The following BCAR3 variants were observed in gnomAD, a reference collection of about 807,000 sequenced individuals.
The protein encoded by BCAR3 is breast cancer anti-estrogen resistance protein 3.
BCAR3 carries 37 observed loss-of-function variants against 80.1 expected under a neutral mutation model. The ratio of observed to expected loss-of-function variants is 0.46; its 90% CI spans 0.36 to 0.61. BCAR3 has a LOEUF of 0.61. Ranked by LOEUF, BCAR3 falls within the 20% of genes least tolerant of loss-of-function variation. BCAR3 has a pLI of 0.00. For synonymous variants in BCAR3, 389 were observed against 418.9 expected (o/e 0.93, Z 0.87); for missense variants, 978 against 1,068.2 (o/e 0.92, Z 1.18).
At chr1:93,612,246 CCTT>C (rs1479756642) in intron 3 of BCAR3, among the ~76,000 whole-genome samples, 5 of 152,078 alleles carry the variant, frequency 3.3e-5, no homozygotes, top group African/African-American at 9.7e-5. Flanking sequence ...GCAGCTCAGG[CCTT>C]CTCTCTGTGC....
In BCAR3 at chr1:93,563,048, G is replaced by A. The variant is rs552793721; in HGVS notation, c.2300-629C>T. Among the ~76,000 whole-genome samples the A allele has an allele frequency of 1.2e-4, 18 of 152,222 alleles. No homozygotes were observed. The East Asian group carries it at 3.1e-3, about 26-fold the overall frequency. ...GAGGGTTCATTGTACCTAGGAGTTC[G>A]TTACTTGTTTTTACCAACTTTACTG... On this transcript the variant is annotated intron_variant, in intron 11 of 11. Coordinates refer to ENST00000260502, the MANE Select transcript of BCAR3 (RefSeq NM_003567.4).
At chr1:93,738,057 C>T (rs1422149414) in intron 2 of BCAR3, among the ~76,000 whole-genome samples, 1 of 152,106 alleles carries the variant, frequency 6.6e-6, no homozygotes, top group East Asian at 1.9e-4. Flanking sequence ...TGATCTTGAA[C>T]TCCTGGCTTG....
At chr1:93,767,778 T>C (rs1416884333) in intron 2 of BCAR3, among the ~76,000 whole-genome samples, 1 of 152,122 alleles carries the variant, frequency 6.6e-6, no homozygotes, top group African/African-American at 2.4e-5. Context: ...TATATGATGT[T>C]CCATTAGGAT....
At chr1:93,567,628 GATGAGCC>G in intron 10 of BCAR3, 105 bp downstream of exon 10, 1 of 1,388,686 alleles carries the variant, frequency 7.2e-7, no homozygotes, top group African/African-American at 1.4e-5. Flanking sequence ...TAAAAGCCCT[GATGAGCC>G]ATCCACAGTG....
intron 2 of BCAR3, among the ~76,000 whole-genome samples, chr1:93,762,251 A>G (rs1368018186): frequency 3.3e-5 from 5 of 152,166 alleles, no homozygotes; most frequent in Non-Finnish European, 5.9e-5. Flanking sequence ...AACAAGCAAG[A>G]GATCTTTCCA....
At chr1:93,720,870 G>A (rs1215504150) in intron 2 of BCAR3, among the ~76,000 whole-genome samples, 3 of 152,032 alleles carry the variant, frequency 2.0e-5, no homozygotes, top group Admixed American at 6.5e-5. Flanking sequence ...AGAAGCTGCC[G>A]GAACTCCCAG....
At chr1:93,689,747 G>A (rs1050687121) in intron 3 of BCAR3, among the ~76,000 whole-genome samples, 3 of 152,160 alleles carry the variant, frequency 2.0e-5, no homozygotes, top group Non-Finnish European at 2.9e-5. Context: ...GGCTACCCTG[G>A]GGTTGGGGGT....
At chr1:93,787,162 G>T (rs1261619944) in intron 2 of BCAR3, among the ~76,000 whole-genome samples, 1 of 152,164 alleles carries the variant, frequency 6.6e-6, no homozygotes, top group East Asian at 1.9e-4. Context: ...TCTTGTCAGG[G>T]GAGGGAGCAG....
rs533394812 is a variant in BCAR3, at chr1:93,592,764, G to A, written c.358-371C>T. On this transcript the variant is annotated intron_variant, in intron 3 of 11. Coordinates refer to ENST00000260502, the MANE Select transcript of BCAR3 (RefSeq NM_003567.4). The surrounding 1 kb of genome is among the most constrained non-coding windows in gnomAD (Gnocchi z 4.8). ...TCCTTCAGGACTGTCCTGACATAGC[G>A]TGGGGAGGGCAGCTGTTCCCTTCTG... 7.2e-5 allele frequency among the ~76,000 whole-genome samples: 11 copies of A among 152,288 alleles called. No homozygotes were observed. The East Asian group carries it at 1.7e-3, about 24-fold the overall frequency.
At chr1:93,585,450 TAG>T (rs1186966209) in intron 5 of BCAR3, among the ~76,000 whole-genome samples, 1 of 151,716 alleles carries the variant, frequency 6.6e-6, no homozygotes, top group Non-Finnish European at 1.5e-5. Flanking sequence ...TTAAGAGACT[TAG>T]TCTTTTTTTC....
chr1:93,736,184 A>G (rs1378182238), intron 2 of BCAR3, among the ~76,000 whole-genome samples: 2 of 152,142 alleles, frequency 1.3e-5, no homozygotes, highest in African/African-American at 2.4e-5. Context: ...TAAGAAGTTT[A>G]TTTATTTATT....
In BCAR3 at chr1:93,562,149, G is replaced by T; in HGVS notation, c.*92C>A. On this transcript the variant is annotated 3_prime_UTR_variant, in exon 12 of 12. Transcript: ENST00000260502. ...TAAAAGCTTGTATATTGTCAGATTTGCACATTATTACTTTATCAAAAACAG... is the reference window on the plus strand; with the variant it reads ...TAAAAGCTTGTATATTGTCAGATTTTCACATTATTACTTTATCAAAAACAG... 7.4e-7 allele frequency: 1 copy of T among 1,344,236 alleles called. No homozygotes were observed. The highest frequency in any genetic ancestry group is 1.0e-6 in the Non-Finnish European group (1 of 981,522). 83.3% of individuals were successfully genotyped at this position (1,344,236 alleles called of 1,614,324 possible).
intron 2 of BCAR3, among the ~76,000 whole-genome samples, chr1:93,781,924 G>A (rs1054224229): frequency 6.6e-6 from 1 of 152,168 alleles, no homozygotes; most frequent in African/African-American, 2.4e-5. Context: ...ATCATGACTT[G>A]AGCTAGGATA....
At chr1:93,567,214 C>A in intron 11 of BCAR3, 65 bp downstream of exon 11, 1 of 1,517,796 alleles carries the variant, frequency 6.6e-7, no homozygotes, top group Non-Finnish European at 9.1e-7. Flanking sequence ...CAGCCATGCT[C>A]TTCCATTCCT....
intron 2 of BCAR3, among the ~76,000 whole-genome samples, chr1:93,670,116 C>T (rs967656093): frequency 6.6e-6 from 1 of 152,156 alleles, no homozygotes; most frequent in Admixed American, 6.5e-5. Context: ...AATAAAAATT[C>T]ATCCTTGAAG....
intron 3 of BCAR3, among the ~76,000 whole-genome samples, chr1:93,609,125 G>A (rs1460423002): frequency 1.3e-5 from 2 of 152,190 alleles, no homozygotes; most frequent in Non-Finnish European, 2.9e-5. Flanking sequence ...TGGCACTCTA[G>A]GATGGGCAGA....
At chr1:93,769,719 T>C (rs1374837800) in intron 2 of BCAR3, among the ~76,000 whole-genome samples, 1 of 152,192 alleles carries the variant, frequency 6.6e-6, no homozygotes, top group Non-Finnish European at 1.5e-5. Context: ...CCAAGCATGC[T>C]TTTCTGCTTT....
At chr1:93,719,344 T>TG (rs1553167698) in intron 2 of BCAR3, among the ~76,000 whole-genome samples, 3 of 131,558 alleles carry the variant, frequency 2.3e-5, no homozygotes, top group African/African-American at 5.9e-5. Context: ...GTTTTTTTTT[T>TG]TTTTTTTTTT....
At chr1:93,660,658 G>A (rs990212175) in intron 2 of BCAR3, among the ~76,000 whole-genome samples, 1 of 152,252 alleles carries the variant, frequency 6.6e-6, no homozygotes, top group Non-Finnish European at 1.5e-5. Flanking sequence ...GCAGGCAGGG[G>A]AATATTGTGC....
Sources: allele counts gnomAD v4.1 joint callset (sites outside exome capture counted in the v4.1 genomes callset), GRCh38; gene constraint gnomAD v4.1.1; non-coding constraint Gnocchi (gnomAD v3.1); transcripts MANE v1.5; gene names NCBI Gene and HGNC (gene_info 2026-07-23, HGNC 2026-07-21).